GPHN: variants seen among roughly 807,000 people sequenced by gnomAD.
The protein encoded by GPHN is gephyrin.
GPHN carries 17 observed loss-of-function variants against 95.5 expected under a neutral mutation model. The observed-to-expected ratio is 0.18, with a 90% CI of 0.12 to 0.27. The LOEUF (loss-of-function observed/expected upper bound fraction) is 0.27. Ranked by LOEUF, GPHN falls within the 10% of genes least tolerant of loss-of-function variation. The pLI is 1.00. For synonymous variants in GPHN, 320 were observed against 322.5 expected (o/e 0.99, Z 0.08); for missense variants, 660 against 978.1 (o/e 0.67, Z 4.34).
intron 11 of GPHN, among the ~76,000 whole-genome samples, chr14:67,068,410 G>A (rs1208326384): frequency 6.6e-6 from 1 of 152,134 alleles, no homozygotes; most frequent in South Asian, 2.1e-4. Flanking sequence ...GCATAACTAT[G>A]GATGATAACA....
intron 1 of GPHN, among the ~76,000 whole-genome samples, chr14:66,579,885 A>G (rs2140450560): frequency 6.6e-6 from 1 of 151,978 alleles, no homozygotes; most frequent in African/African-American, 2.4e-5. Flanking sequence ...TAACAAACGT[A>G]TATCAGAATA....
chr14:66,592,754 A>C (rs2140692738), intron 1 of GPHN, among the ~76,000 whole-genome samples: 1 of 152,354 alleles, frequency 6.6e-6, no homozygotes, highest in East Asian at 1.9e-4. Context: ...TTCCTCAAGG[A>C]TCTAGAACCA....
the GPHN span, chr14:67,557,421 A>C: frequency 2.5e-6 from 4 of 1,612,426 alleles, no homozygotes; most frequent in Non-Finnish European, 3.4e-6. Context: ...AGAAGCAGGT[A>C]AGGGCTCATG....
intron 8 of GPHN, among the ~76,000 whole-genome samples, chr14:66,936,013 A>T (rs1017041935): frequency 5.3e-5 from 8 of 152,138 alleles, no homozygotes; most frequent in African/African-American, 1.9e-4. Flanking sequence ...CTGCTATAGC[A>T]CCTTTCATAA....
the GPHN span, among the ~76,000 whole-genome samples, chr14:67,702,910 C>T: frequency 2.0e-5 from 3 of 152,190 alleles, no homozygotes; most frequent in African/African-American, 7.2e-5. Flanking sequence ...ACCTCCCAGG[C>T]TCAAGTGATT....
chr14:66,874,747 A>G (rs372772820), intron 4 of GPHN, among the ~76,000 whole-genome samples: 24 of 152,340 alleles, frequency 1.6e-4, no homozygotes, highest in African/African-American at 5.5e-4. Flanking sequence ...TCCAAGAAAT[A>G]TGGGACTGTG....
chr14:66,715,453 AT>A (rs1323279636), intron 2 of GPHN, among the ~76,000 whole-genome samples: 1 of 151,378 alleles, frequency 6.6e-6, no homozygotes, highest in Non-Finnish European at 1.5e-5. Context: ...TATCTTTTGT[AT>A]TTTTTTGTTT....
chr14:67,371,228 A>G, the GPHN span, among the ~76,000 whole-genome samples: 1 of 152,098 alleles, frequency 6.6e-6, no homozygotes, highest in Admixed American at 6.6e-5. Context: ...CAGCCTGGCA[A>G]TATAGGGAGA....
At chr14:66,674,539 C>A (rs1595498235) in intron 1 of GPHN, among the ~76,000 whole-genome samples, 1 of 152,174 alleles carries the variant, frequency 6.6e-6, no homozygotes, top group South Asian at 2.1e-4. Flanking sequence ...TTAATGGATA[C>A]TACATATGCA....
the GPHN span, chr14:67,613,950 T>G: frequency 1.3e-5 from 2 of 152,498 alleles, no homozygotes; most frequent in Non-Finnish European, 2.9e-5. Context: ...TGTTTTCTTT[T>G]TTGAGACAGG....
chr14:67,359,840 G>C, the GPHN span: 11 of 896,948 alleles, frequency 1.2e-5, no homozygotes. Flanking sequence ...GAGGCAGCAG[G>C]GACACCCATT....
At chr14:66,868,378 A>T (rs376242245) in intron 4 of GPHN, among the ~76,000 whole-genome samples, 1 of 152,204 alleles carries the variant, frequency 6.6e-6, no homozygotes, top group East Asian at 1.9e-4. Flanking sequence ...GCACATTTAG[A>T]TATATCTATT....
At chr14:67,341,500 C>T in the GPHN span, among the ~76,000 whole-genome samples, 8 of 151,716 alleles carry the variant, frequency 5.3e-5, no homozygotes, top group East Asian at 7.8e-4. Context: ...CCGCCCCGTC[C>T]GGGAGGGAGG....
chr14:67,590,409 C>G, the GPHN span, among the ~76,000 whole-genome samples: 1 of 152,002 alleles, frequency 6.6e-6, no homozygotes, highest in Non-Finnish European at 1.5e-5. Flanking sequence ...CTCGCCACCA[C>G]GCCCAGTGGC....
the GPHN span, chr14:67,279,446 A>G: frequency 6.2e-7 from 1 of 1,613,418 alleles, no homozygotes; most frequent in African/African-American, 1.3e-5. Flanking sequence ...AACTAGCCCA[A>G]ATTCCTCCAA....
intron 2 of GPHN, among the ~76,000 whole-genome samples, chr14:66,705,097 C>T (rs1419879127): frequency 6.6e-6 from 1 of 152,212 alleles, no homozygotes; most frequent in East Asian, 1.9e-4. Context: ...CATGTACACC[C>T]TCCCAAGACT....
the GPHN span, chr14:67,575,676 T>C: frequency 1.4e-6 from 1 of 722,992 alleles, no homozygotes; most frequent in East Asian, 2.7e-5. Flanking sequence ...GCTGCCAGCC[T>C]GGCTGGGATG....
chr14:67,583,623 C>A, the GPHN span: 1 of 677,416 alleles, frequency 1.5e-6, no homozygotes, highest in Non-Finnish European at 2.4e-6. Context: ...TTTTTCACAA[C>A]CACTCGCACC....
chr14:66,880,019 G>C lies in GPHN; in HGVS notation c.375G>C (p.Leu125=). ...MLMGSLNVTP[L]GMLSRPVCGI... The stretch of plus-strand genomic sequence containing the variant: ...TGGGATCACTTAATGTTACACCTCT[G>C]GGCATGCTCTCTAGGTAAGAAAGTC... The change falls in exon 5 of 23, where the codon CTG becomes CTC. Residue 125 remains leucine, a synonymous_variant. Coordinates refer to ENST00000478722, the MANE Select transcript of GPHN (RefSeq NM_020806.5). The C allele has an allele frequency of 6.2e-7, 1 of 1,601,326 alleles. No individual in the cohort carries two copies. The highest frequency in any genetic ancestry group is 8.6e-7 in the Non-Finnish European group (1 of 1,168,916).
Sources: gnomAD v4.1 joint callset for allele counts (sites outside exome capture counted in the v4.1 genomes callset) on GRCh38, gnomAD v4.1.1 for gene constraint, MANE v1.5 for transcripts, NCBI Gene and HGNC (gene_info 2026-07-23, HGNC 2026-07-21) for gene names.